AGMO: variants seen among roughly 807,000 people sequenced by gnomAD.
AGMO encodes glyceryl-ether monooxygenase.
AGMO carries 75 observed loss-of-function variants against 60.2 expected under a neutral mutation model. The ratio of observed to expected loss-of-function variants is 1.25; its 90% CI spans 1.03 to 1.51. AGMO has a LOEUF of 1.51. Among genes scored for constraint, AGMO ranks in the 40% most tolerant of loss-of-function variants. The pLI is 0.00. For missense variants in AGMO, 763 were observed against 525.5 expected, an observed-to-expected ratio of 1.45 and a Z score of -4.42; for synonymous variants, 261 against 177.1, an observed-to-expected ratio of 1.47 and a Z score of -3.76.
At chr7:15,344,789 G>C (rs1048441658) in intron 12 of AGMO, among the ~76,000 whole-genome samples, 6 of 152,176 alleles carry the variant, frequency 3.9e-5, no homozygotes, top group South Asian at 2.1e-4. Context: ...AGATGCACTT[G>C]AGTAGTGTGA....
chr7:15,121,165 G>A, the AGMO span, among the ~76,000 whole-genome samples: 26 of 152,174 alleles, frequency 1.7e-4, no homozygotes, highest in Middle Eastern at 6.8e-3. Flanking sequence ...TCTTTTTTAT[G>A]GCTGCATAGT....
chr7:15,366,172 G>A lies in AGMO; in HGVS notation c.1125C>T (p.Thr375=). 3 of 1,608,958 alleles carry A rather than the reference G, an allele frequency of 1.9e-6. No individual in the cohort carries two copies. Among genetic ancestry groups the A allele is most frequent in the Non-Finnish European group, 2.5e-6 (3 of 1,177,110 alleles). ...LLLRVCFIIL[T]LTSIGFLLDQ... ...CCAGAAGAAATCCAATGGAAGTCAA[G>A]GTCAGGATAATGAAGCAAACCCTCA... is the stretch of plus-strand genomic sequence containing the variant. The change falls in exon 11 of 13, where the codon ACC becomes ACT. Residue 375 remains threonine, a synonymous_variant. Coordinates refer to ENST00000342526, the MANE Select transcript of AGMO (RefSeq NM_001004320.2).
intron 12 of AGMO, among the ~76,000 whole-genome samples, chr7:15,332,573 C>G (rs1781531431): frequency 6.6e-6 from 1 of 152,060 alleles, no homozygotes; most frequent in Non-Finnish European, 1.5e-5. Flanking sequence ...GACCTGACAA[C>G]CTGATTTTCC....
intron 12 of AGMO, among the ~76,000 whole-genome samples, chr7:15,274,462 G>A (rs143180193): frequency 0.014 from 2,087 of 152,284 alleles, 44 homozygotes; most frequent in African/African-American, 0.048. Context: ...ATCCCAGGGT[G>A]AAGCCCACTT....
At chr7:15,428,158 A>G (rs1781123524) in intron 4 of AGMO, among the ~76,000 whole-genome samples, 3 of 152,102 alleles carry the variant, frequency 2.0e-5, no homozygotes, top group Admixed American at 6.6e-5. Context: ...ATCTTGACAA[A>G]TGACTCAACA....
At chr7:15,380,550 T>C (rs1783637749) in intron 10 of AGMO, among the ~76,000 whole-genome samples, 1 of 152,162 alleles carries the variant, frequency 6.6e-6, no homozygotes. Flanking sequence ...TGTTCATGGA[T>C]AGCAAGATTC....
intron 3 of AGMO, among the ~76,000 whole-genome samples, chr7:15,507,110 CA>C (rs1212710224): frequency 6.6e-6 from 1 of 151,760 alleles, no homozygotes; most frequent in Non-Finnish European, 1.5e-5. Flanking sequence ...AAGTGTGAGC[CA>C]AGGATTTTAT....
At chr7:15,167,414 T>G in the AGMO span, among the ~76,000 whole-genome samples, 2 of 152,138 alleles carry the variant, frequency 1.3e-5, no homozygotes, top group Admixed American at 1.3e-4. Context: ...TCAATAATAA[T>G]AAGTAGGCAC....
At chr7:15,273,017 C>A (rs1190814118) in intron 12 of AGMO, among the ~76,000 whole-genome samples, 1 of 152,046 alleles carries the variant, frequency 6.6e-6, no homozygotes, top group African/African-American at 2.4e-5. Context: ...TTTGTAGATT[C>A]TGGATATTAG....
At chr7:15,460,988 A>G (rs191015607) in intron 3 of AGMO, among the ~76,000 whole-genome samples, 2 of 152,308 alleles carry the variant, frequency 1.3e-5, no homozygotes, top group East Asian at 3.8e-4. Context: ...TTAATGCTAC[A>G]GGCATTTGTT....
At chr7:15,193,686 T>G in the AGMO span, among the ~76,000 whole-genome samples, 48 of 152,292 alleles carry the variant, frequency 3.2e-4, 1 homozygote, top group South Asian at 5.4e-3. Flanking sequence ...CAATCTTTAC[T>G]GATATTTGTC....
chr7:15,351,346 A>C (rs1782237590), intron 12 of AGMO, among the ~76,000 whole-genome samples: 1 of 152,180 alleles, frequency 6.6e-6, no homozygotes, highest in Non-Finnish European at 1.5e-5. Context: ...AAAGAGATAT[A>C]ACATATACTT....
chr7:15,294,722 G>T (rs1055007368), intron 12 of AGMO, among the ~76,000 whole-genome samples: 1 of 151,872 alleles, frequency 6.6e-6, no homozygotes, highest in African/African-American at 2.4e-5. Context: ...ACATAATTGA[G>T]AATTGTTCGA....
rs114819237 is a variant in AGMO at position 15,354,684 on chromosome 7, A to G, written c.1263+10830T>C. Among the ~76,000 whole-genome samples, 488 of 150,164 alleles carry G rather than the reference A, an allele frequency of 3.2e-3. 2 individuals are homozygous for G. The highest frequency in any genetic ancestry group is 0.011 in the African/African-American group (445 of 41,134). ...AGAAAACAATTTTTTAAGTGGCGGGATACTCAAATTGAGTTAGAAGTTAAG... is the reference window on the plus strand; with the variant it reads ...AGAAAACAATTTTTTAAGTGGCGGGGTACTCAAATTGAGTTAGAAGTTAAG... On this transcript the variant is annotated intron_variant, in intron 12 of 12. Transcript: ENST00000342526.
the AGMO span, among the ~76,000 whole-genome samples, chr7:15,156,422 T>C: frequency 3.9e-5 from 6 of 152,142 alleles, no homozygotes; most frequent in East Asian, 9.6e-4. Flanking sequence ...TTCTATCCAG[T>C]TCCAGCAGCC....
At chr7:15,416,596 T>C (rs983601244) in intron 5 of AGMO, among the ~76,000 whole-genome samples, 1 of 152,124 alleles carries the variant, frequency 6.6e-6, no homozygotes, top group South Asian at 2.1e-4. Flanking sequence ...AGTGAAACAA[T>C]TGTAAGAATG....
the AGMO span, among the ~76,000 whole-genome samples, chr7:15,159,846 G>T: frequency 1.3e-5 from 2 of 152,070 alleles, no homozygotes; most frequent in East Asian, 3.9e-4. Context: ...AGTGACAAAG[G>T]TCCTGCATAT....
intron 3 of AGMO, among the ~76,000 whole-genome samples, chr7:15,496,317 G>C (rs1783231465): frequency 6.6e-6 from 1 of 152,118 alleles, no homozygotes; most frequent in Non-Finnish European, 1.5e-5. Flanking sequence ...TTGTGCATCA[G>C]GGTTATAAAG....
At chr7:15,324,755 C>A (rs1030818628) in intron 12 of AGMO, among the ~76,000 whole-genome samples, 8 of 152,112 alleles carry the variant, frequency 5.3e-5, no homozygotes, top group Admixed American at 2.0e-4. Flanking sequence ...ACAAGGACTG[C>A]GCAATCTAGA....
Sources: gnomAD v4.1 joint callset for allele counts (sites outside exome capture counted in the v4.1 genomes callset) on GRCh38, gnomAD v4.1.1 for gene constraint, MANE v1.5 for transcripts, NCBI Gene and HGNC (gene_info 2026-07-23, HGNC 2026-07-21) for gene names.